Variants in ADCY2 observed in about 807,000 individuals in gnomAD.
The protein encoded by ADCY2 is adenylate cyclase type 2.
Under a neutral mutation model 125.2 loss-of-function variants are expected in ADCY2, and 31 were observed. That is an observed-to-expected ratio of 0.25 (90% CI 0.19 to 0.33). The LOEUF (loss-of-function observed/expected upper bound fraction) is 0.33, where lower values mean the gene tolerates loss of function less well. Among genes scored for constraint, ADCY2 ranks in the 10% least tolerant of loss-of-function variants. The pLI, the probability that ADCY2 is intolerant of heterozygous loss-of-function variation, is 1.00. For synonymous variants in ADCY2, 512 were observed against 548.4 expected (o/e 0.93, Z 0.93); for missense variants, 904 against 1,418.2 (o/e 0.64, Z 5.82).
At chr5:7,774,870 A>G (rs2126484988) in intron 18 of ADCY2, among the ~76,000 whole-genome samples, 1 of 152,350 alleles carries the variant, frequency 6.6e-6, no homozygotes, top group South Asian at 2.1e-4. Context: ...GTGGATACAT[A>G]ATAGGTATAC....
chr5:7,754,048 C>G (rs537257495), intron 15 of ADCY2, among the ~76,000 whole-genome samples: 2 of 152,144 alleles, frequency 1.3e-5, no homozygotes, highest in Non-Finnish European at 2.9e-5. Flanking sequence ...CCAAGCGCAT[C>G]CTGAACCTGT....
chr5:7,751,100 G>A (rs772333221), intron 15 of ADCY2, among the ~76,000 whole-genome samples: 5 of 151,680 alleles, frequency 3.3e-5, no homozygotes, highest in Admixed American at 6.6e-5. Flanking sequence ...TCCCATTCAC[G>A]GGCAGTTCAT....
At chr5:7,752,994 G>A (rs1255748265) in intron 15 of ADCY2, among the ~76,000 whole-genome samples, 3 of 149,462 alleles carry the variant, frequency 2.0e-5, no homozygotes, top group African/African-American at 2.5e-5. Context: ...TGCCTCCCGG[G>A]TTCAAGCAGT....
intron 14 of ADCY2, among the ~76,000 whole-genome samples, chr5:7,742,180 T>C (rs1336877568): frequency 2.1e-5 from 3 of 145,272 alleles, no homozygotes; most frequent in African/African-American, 7.7e-5. Context: ...GAAGAGAAGA[T>C]AGCAAATCAA....
At chr5:7,749,970 T>C (rs1742753547) in intron 15 of ADCY2, among the ~76,000 whole-genome samples, 1 of 152,194 alleles carries the variant, frequency 6.6e-6, no homozygotes, top group Non-Finnish European at 1.5e-5. Flanking sequence ...TGGTGTTCCT[T>C]GTTCCATCTT....
chr5:7,603,908 T>A (rs1273156412), intron 3 of ADCY2, among the ~76,000 whole-genome samples: 1 of 94,698 alleles, frequency 1.1e-5, no homozygotes, highest in Non-Finnish European at 2.0e-5. Context: ...GCTGGTGCGC[T>A]GCACCCACTA....
At chr5:7,663,440 G>A (rs554854900) in intron 4 of ADCY2, among the ~76,000 whole-genome samples, 9 of 152,374 alleles carry the variant, frequency 5.9e-5, no homozygotes, top group African/African-American at 1.9e-4. Context: ...GGGGGGGCCT[G>A]GAGCCTAGTA....
intron 4 of ADCY2, among the ~76,000 whole-genome samples, chr5:7,654,394 C>T (rs745631512): frequency 1.2e-4 from 19 of 152,026 alleles, no homozygotes; most frequent in East Asian, 5.8e-4. Flanking sequence ...CATGCCTGTA[C>T]GCTATGGAAT....
chr5:7,456,410 A>T (rs1171052728), intron 2 of ADCY2, among the ~76,000 whole-genome samples: 1 of 152,182 alleles, frequency 6.6e-6, no homozygotes, highest in Non-Finnish European at 1.5e-5. Flanking sequence ...CTGCCAGGAA[A>T]ACTCAGAGCT....
At chr5:7,807,572 A>G (rs954369319) in intron 22 of ADCY2, among the ~76,000 whole-genome samples, 1 of 151,968 alleles carries the variant, frequency 6.6e-6, no homozygotes, top group Non-Finnish European at 1.5e-5. Flanking sequence ...GGACATTGTA[A>G]TATTCTTTCC....
Position 7,396,211 on chromosome 5 carries a change from C to A in ADCY2, c.-86C>A, listed in dbSNP as rs1488708960. On this transcript the variant is annotated 5_prime_UTR_variant, in exon 1 of 25. Coordinates refer to ENST00000338316, the MANE Select transcript of ADCY2 (RefSeq NM_020546.3). The surrounding 1 kb of genome is among the most constrained non-coding windows in gnomAD (Gnocchi z 5.7). ...GTGCCGGCAGCCGGGCCGGCCGAGG[C>A]GGCGCGGGGGTGGGACGCGGGCGGC... 4.0e-6 allele frequency: 3 copies of A among 756,606 alleles called. No homozygotes were observed. The highest frequency in any genetic ancestry group is 1.2e-4 in the South Asian group (2 of 16,144). 46.9% of individuals were successfully genotyped at this position (756,606 alleles called of 1,614,324 possible).
chr5:7,801,940 G>A (rs1290094438), intron 20 of ADCY2: 4 of 331,670 alleles, frequency 1.2e-5, no homozygotes, highest in African/African-American at 6.3e-5. Flanking sequence ...CCAGAACTCC[G>A]TGGTCTGTTG....
intron 14 of ADCY2, among the ~76,000 whole-genome samples, chr5:7,731,710 TC>T (rs1199872142): frequency 6.6e-6 from 1 of 152,086 alleles, no homozygotes; most frequent in Non-Finnish European, 1.5e-5. Context: ...TTCAAGCAGT[TC>T]TCCTGCCTCA....
At chr5:7,562,370 G>C (rs1735733404) in intron 3 of ADCY2, among the ~76,000 whole-genome samples, 1 of 152,080 alleles carries the variant, frequency 6.6e-6, no homozygotes, top group African/African-American at 2.4e-5. Flanking sequence ...AAATAAAAGT[G>C]GTGAGAGTGA....
intron 4 of ADCY2, among the ~76,000 whole-genome samples, chr5:7,658,764 CA>C (rs1230869475): frequency 6.6e-6 from 1 of 152,174 alleles, no homozygotes; most frequent in Non-Finnish European, 1.5e-5. Context: ...CTGGCAATTC[CA>C]AAACCTGCAG....
rs11271369 is a variant in ADCY2 at position 7,432,900 on chromosome 5, A to ATGTACTGCTTATTGTACACGT, written c.408+18147_408+18148insACGTTGTACTGCTTATTGTAC. Among the ~76,000 whole-genome samples the ATGTACTGCTTATTGTACACGT allele has an allele frequency of 4.0e-5, 6 of 151,540 alleles. No individual in the cohort carries two copies. In the Middle Eastern group the frequency reaches 0.014, roughly 346 times the overall value. ...ACTCATCAAATTGTACAATTTCAAC[A>ATGTACTGCTTATTGTACACGT]TGTACTGCTTATTGTACTGCATGAT... On this transcript the variant is annotated intron_variant, in intron 2 of 24. Coordinates refer to ENST00000338316, the MANE Select transcript of ADCY2 (RefSeq NM_020546.3).
chr5:7,408,679 AT>A (rs1296776337), intron 1 of ADCY2, among the ~76,000 whole-genome samples: 1 of 152,128 alleles, frequency 6.6e-6, no homozygotes, highest in Non-Finnish European at 1.5e-5. Context: ...GGTGGCTATT[AT>A]TAAAAAGTAA....
chr5:7,589,524 G>GAAAGAAAGAAAAGAAAAGAAAAGAA (rs1554022167), intron 3 of ADCY2, among the ~76,000 whole-genome samples: 1 of 67,866 alleles, frequency 1.5e-5, no homozygotes, highest in Non-Finnish European at 3.4e-5. Flanking sequence ...AGAAAAGAAA[G>GAAAGAAAGAAAAGAAAAGAAAAGAA]AGAAAGAAAG....
chr5:7,570,151 C>A lies in ADCY2; in HGVS notation c.570+49252C>A, dbSNP rs184954128. Among the ~76,000 whole-genome samples the A allele has an allele frequency of 2.4e-3, 362 of 152,006 alleles. 3 individuals are homozygous for A. Among genetic ancestry groups the A allele is most frequent in the Middle Eastern group, 0.017 (5 of 294 alleles). Reference sequence around the variant, plus strand: ...TGAATGATTAAATTTCCAATCAGATCATAATTGGGATTTGTTGAGGGGCTG... The same window carrying A: ...TGAATGATTAAATTTCCAATCAGATAATAATTGGGATTTGTTGAGGGGCTG... On this transcript the variant is annotated intron_variant, in intron 3 of 24. Coordinates refer to ENST00000338316, the MANE Select transcript of ADCY2 (RefSeq NM_020546.3).
Sources: allele counts gnomAD v4.1 joint callset (sites outside exome capture counted in the v4.1 genomes callset), GRCh38; gene constraint gnomAD v4.1.1; non-coding constraint Gnocchi (gnomAD v3.1); transcripts MANE v1.5; gene names NCBI Gene and HGNC (gene_info 2026-07-23, HGNC 2026-07-21).